DACH1: variants seen among roughly 807,000 people sequenced by gnomAD.
DACH1 encodes the protein dachshund homolog 1.
DACH1 carries 12 observed loss-of-function variants against 54.2 expected under a neutral mutation model. The ratio of observed to expected loss-of-function variants is 0.22; its 90% CI spans 0.14 to 0.36. The LOEUF (loss-of-function observed/expected upper bound fraction) is 0.36. Among genes scored for constraint, DACH1 ranks in the 10% least tolerant of loss-of-function variants. The pLI, the probability that DACH1 is intolerant of heterozygous loss-of-function variation, is 1.00. For synonymous variants in DACH1, 386 were observed against 366.2 expected, an observed-to-expected ratio of 1.05 and a Z score of -0.62; for missense variants, 805 against 929.8, an observed-to-expected ratio of 0.87 and a Z score of 1.75.
intron 6 of DACH1, among the ~76,000 whole-genome samples, chr13:71,513,255 C>G (rs1413276763): frequency 1.3e-5 from 2 of 151,918 alleles, no homozygotes; most frequent in Non-Finnish European, 1.5e-5. Flanking sequence ...CTTAGCAAAT[C>G]TTTTCTTTAT....
At chr13:71,690,657 T>C (rs1881433401) in intron 1 of DACH1, among the ~76,000 whole-genome samples, 1 of 152,158 alleles carries the variant, frequency 6.6e-6, no homozygotes, top group Non-Finnish European at 1.5e-5. Flanking sequence ...CAAGCCCAGG[T>C]GCGGTGGCTC....
At chr13:71,759,594 T>TA (rs1885317537) in intron 1 of DACH1, among the ~76,000 whole-genome samples, 2 of 152,276 alleles carry the variant, frequency 1.3e-5, no homozygotes, top group Admixed American at 6.5e-5. Flanking sequence ...GAAATAGATG[T>TA]AAAAAAGCAG....
intron 1 of DACH1, among the ~76,000 whole-genome samples, chr13:71,785,204 C>G (rs1391769751): frequency 6.6e-6 from 1 of 152,026 alleles, no homozygotes; most frequent in Admixed American, 6.6e-5. Flanking sequence ...ATTAAGAAAC[C>G]CGGTTGTATC....
chr13:71,445,905 G>A (rs140391343), intron 10 of DACH1, among the ~76,000 whole-genome samples: 31 of 152,244 alleles, frequency 2.0e-4, no homozygotes, highest in African/African-American at 5.8e-4. Flanking sequence ...AATGAAAGGC[G>A]GATGGCAAAT....
At chr13:71,449,494 G>C (rs1488736973) in intron 10 of DACH1, among the ~76,000 whole-genome samples, 1 of 152,000 alleles carries the variant, frequency 6.6e-6, no homozygotes, top group East Asian at 1.9e-4. Flanking sequence ...ATGGACACAG[G>C]GAAGGGAACA....
intron 1 of DACH1, among the ~76,000 whole-genome samples, chr13:71,724,770 A>G (rs1427162696): frequency 6.6e-6 from 1 of 152,146 alleles, no homozygotes; most frequent in Non-Finnish European, 1.5e-5. Flanking sequence ...TTTCTTTATG[A>G]TTTATGTCCA....
At chr13:71,480,109 T>C (rs2138184118) in intron 7 of DACH1, among the ~76,000 whole-genome samples, 1 of 152,344 alleles carries the variant, frequency 6.6e-6, no homozygotes. Flanking sequence ...TGTTCTCTCA[T>C]TCAGGACTAT....
At chr13:71,525,403 G>T (rs2138291582) in intron 6 of DACH1, among the ~76,000 whole-genome samples, 1 of 151,982 alleles carries the variant, frequency 6.6e-6, no homozygotes, top group Non-Finnish European at 1.5e-5. Context: ...ACCAACTAAT[G>T]GATTAATGAA....
At chr13:71,573,561 C>A (rs753139227) in intron 3 of DACH1, 2 of 583,864 alleles carry the variant, frequency 3.4e-6, no homozygotes, top group Admixed American at 3.3e-5. Flanking sequence ...ATCCCAGGAA[C>A]CATCACTGCT....
intron 6 of DACH1, among the ~76,000 whole-genome samples, chr13:71,505,090 CTTCT>C (rs1555288702): frequency 2.4e-4 from 37 of 151,840 alleles, no homozygotes; most frequent in Middle Eastern, 3.4e-3. Context: ...TCCTTCCTTC[CTTCT>C]TTCTTTCTTT....
rs1040809407 is a variant in DACH1, at chr13:71,559,945, G to A, written c.1310C>T (p.Pro437Leu). ...VETSVIKERV[P>L]DSPSPAPSLE... is the part of the protein sequence containing the mutation. Reference sequence around the variant, plus strand: ...AGAGGGGGCAGGTGAGGGGCTATCAGGAACACGCTCCTGCACCAGCAAGAG... The same window carrying A: ...AGAGGGGGCAGGTGAGGGGCTATCAAGAACACGCTCCTGCACCAGCAAGAG... The change falls in exon 5 of 11, where the codon CCT (proline) becomes CTT (leucine). Residue 437 changes from proline to leucine, a missense_variant. By Grantham distance (98) the Pro-to-Leu change is moderately conservative (BLOSUM62 -3). Coordinates refer to ENST00000613252, the MANE Select transcript of DACH1 (RefSeq NM_080759.6). 6.3e-7 allele frequency: 1 copy of A among 1,577,300 alleles called. No homozygotes were observed. The highest frequency in any genetic ancestry group is 1.2e-5 in the South Asian group (1 of 85,538).
chr13:71,462,858 G>T (rs1030018355), intron 10 of DACH1, among the ~76,000 whole-genome samples: 2 of 143,366 alleles, frequency 1.4e-5, no homozygotes, highest in African/African-American at 5.2e-5. Context: ...TCCAGGTCTA[G>T]AATCTATCTA....
At chr13:71,620,190 T>C (rs536813651) in intron 3 of DACH1, among the ~76,000 whole-genome samples, 2 of 152,020 alleles carry the variant, frequency 1.3e-5, no homozygotes, top group Non-Finnish European at 2.9e-5. Flanking sequence ...GATATGCAAA[T>C]GTGAAGCATG....
At chr13:71,802,409 T>C (rs1172515748) in intron 1 of DACH1, among the ~76,000 whole-genome samples, 1 of 152,090 alleles carries the variant, frequency 6.6e-6, no homozygotes, top group Non-Finnish European at 1.5e-5. Context: ...TCATTATTAA[T>C]TTATATGCTA....
At chr13:71,781,094 C>CA (rs1218664767) in intron 1 of DACH1, among the ~76,000 whole-genome samples, 2 of 152,122 alleles carry the variant, frequency 1.3e-5, no homozygotes, top group Non-Finnish European at 2.9e-5. Context: ...ATGATAGTGA[C>CA]ACTGCACTCC....
intron 1 of DACH1, among the ~76,000 whole-genome samples, chr13:71,823,616 T>C (rs542974212): frequency 6.6e-6 from 1 of 152,078 alleles, no homozygotes; most frequent in African/African-American, 2.4e-5. Context: ...TAGCCAAAGG[T>C]AGCATTAAAC....
chr13:71,492,951 T>C (rs1280301460), intron 6 of DACH1, among the ~76,000 whole-genome samples: 2 of 152,088 alleles, frequency 1.3e-5, no homozygotes, highest in Admixed American at 1.3e-4. Context: ...ATTCCAATTG[T>C]ATTATTTTTG....
chr13:71,699,611 A>ATT (rs966104759), intron 1 of DACH1, among the ~76,000 whole-genome samples: 1 of 152,232 alleles, frequency 6.6e-6, no homozygotes, highest in Non-Finnish European at 1.5e-5. Context: ...TTCCTGGTAT[A>ATT]TAAACTGTCA....
chr13:71,852,523 A>G (rs528217064), intron 1 of DACH1, among the ~76,000 whole-genome samples: 3 of 152,364 alleles, frequency 2.0e-5, no homozygotes, highest in African/African-American at 7.2e-5. Context: ...TTAGAGAGCT[A>G]GCTTTGAAAT....
Sources: gnomAD v4.1 joint callset for allele counts (sites outside exome capture counted in the v4.1 genomes callset) on GRCh38, gnomAD v4.1.1 for gene constraint, MANE v1.5 for transcripts, NCBI Gene and HGNC (gene_info 2026-07-23, HGNC 2026-07-21) for gene names.